KCNC4: variants seen among roughly 807,000 people sequenced by gnomAD.
KCNC4 encodes potassium voltage-gated channel subfamily C member 4.
A neutral mutation model predicts 42.8 loss-of-function variants in KCNC4; 23 were observed. The observed-to-expected ratio is 0.54, with a 90% CI of 0.39 to 0.76. The LOEUF is 0.76. Ranked by LOEUF, KCNC4 falls within the 30% of genes least tolerant of loss-of-function variation. The pLI is 0.00. For missense variants in KCNC4, 751 were observed against 898.2 expected, an observed-to-expected ratio of 0.84 and a Z score of 2.10; for synonymous variants, 422 against 393.5, an observed-to-expected ratio of 1.07 and a Z score of -0.86.
In KCNC4 at chr1:110,210,870, C is replaced by T. The variant is rs933441661; in HGVS notation, c.-630C>T. Among the ~76,000 whole-genome samples, 2 of 152,188 alleles carry T rather than the reference C, an allele frequency of 1.3e-5. No individual in the cohort carries two copies. Among genetic ancestry groups the T allele is most frequent in the Non-Finnish European group, 2.9e-5 (2 of 68,028 alleles). On this transcript the variant is annotated 5_prime_UTR_variant, in exon 1 of 4. Transcript: ENST00000438661. ...CTCTGCCCCGCCTGCCTTCCTCGCC[C>T]GGCGCTGGATTTATGAATGGGGGGA... is the stretch of plus-strand genomic sequence containing the variant.
Position 110,273,707 on chromosome 1 carries a change from G to C in KCNC4, n.31-8827G>C, listed in dbSNP as rs1659672686. On this transcript the variant is annotated intron_variant and non_coding_transcript_variant, in intron 1 of 2. Coordinates refer to the KCNC4 transcript ENST00000412512. ...ACCACTCAAATTCATTCTGGGGGAA[G>C]AGCTCAAAGCACATGCCCACTGGAT... Among the ~76,000 whole-genome samples, 3 of 152,254 alleles carry C rather than the reference G, an allele frequency of 2.0e-5. No homozygotes were observed. The South Asian group carries it at 6.2e-4, about 32-fold the overall frequency.
In KCNC4 at chr1:110,211,641, GAGACCTAC is replaced by G; in HGVS notation, c.143_150del (p.Glu48AlafsTer33). 1 of 1,613,818 alleles carries G rather than the reference GAGACCTAC, an allele frequency of 6.2e-7. No homozygotes were observed. The highest frequency in any genetic ancestry group is 1.3e-5 in the African/African-American group (1 of 75,060). ...CATCAACGTGGGCGGCACGCGACAT[GAGACCTAC>G]CGCAGCACCCTGCGCACCCTACCGG... is the stretch of plus-strand genomic sequence containing the variant. On this transcript the variant is annotated frameshift_variant, in exon 1 of 4. Coordinates refer to ENST00000438661, the MANE Select transcript of KCNC4 (RefSeq NM_001039574.3). LOFTEE classifies it high-confidence loss of function. This position sits in a 1 kb window ranked among gnomAD's most constrained non-coding sequence, Gnocchi z 6.5.
At chr1:110,232,782 T>C in intron 3 of KCNC4, 129 bp from the exon 4 acceptor site, 1 of 1,540,540 alleles carries the variant, frequency 6.5e-7, no homozygotes, top group Non-Finnish European at 8.7e-7. Context: ...GCAGCTGGCT[T>C]CCTTCTAACG....
exon 4 of KCNC4, chr1:110,240,630 CCAGGGGCCAGCCT>C (rs1205688309): frequency 1.0e-4 from 16 of 152,396 alleles, no homozygotes; most frequent in African/African-American, 3.6e-4. Flanking sequence ...CTCGAGAAGA[CCAGGGGCCAGCCT>C]CAGAGGCCCG....
At chr1:110,217,169 AACAGTAAT>A (rs1657842944) in intron 1 of KCNC4, among the ~76,000 whole-genome samples, 1 of 152,212 alleles carries the variant, frequency 6.6e-6, no homozygotes, top group Non-Finnish European at 1.5e-5. Context: ...AAGAAATGGC[AACAGTAAT>A]ACAAGACGGA....
chr1:110,225,754 C>T (rs1658353514), intron 2 of KCNC4: 4 of 556,220 alleles, frequency 7.2e-6, no homozygotes, highest in Non-Finnish European at 1.3e-5. Context: ...GAGGAGAGAC[C>T]CTAAGCTGAG....
intron 1 of KCNC4, chr1:110,220,465 G>GCCAC (rs879326905): frequency 4.5e-5 from 5 of 110,242 alleles, no homozygotes; most frequent in Admixed American, 1.7e-4. Context: ...CCGGGGCCAT[G>GCCAC]CCGCCCTCCC....
Position 110,223,566 on chromosome 1 carries a change from C to T in KCNC4, c.1281C>T (p.Phe427=), listed in dbSNP as rs1247333050. 3 of 1,613,922 alleles carry T rather than the reference C, an allele frequency of 1.9e-6. No homozygotes were observed. Among genetic ancestry groups the T allele is most frequent in the South Asian group, 1.1e-5 (1 of 91,094 alleles). Residue 427 remains phenylalanine (F), a synonymous_variant, in exon 2 of 4, where the codon TTC becomes TTT. Transcript: ENST00000438661. The surrounding 1 kb of genome is among the most constrained non-coding windows in gnomAD (Gnocchi z 7.5). ...ACTTCAAGAACATCCCCATTGGCTT[C>T]TGGTGGGCTGTGGTCACCATGACGA... is the stretch of plus-strand genomic sequence containing the variant. ...HTDFKNIPIG[F]WWAVVTMTTL...
At chr1:110,219,655 G>C (rs1165994932) in intron 1 of KCNC4, 1 of 152,188 alleles carries the variant, frequency 6.6e-6, no homozygotes, top group African/African-American at 2.4e-5. Flanking sequence ...AAGCAGGGTG[G>C]TGTTGCTGCA....
At chr1:110,232,525 C>T in intron 3 of KCNC4, 1 of 1,435,604 alleles carries the variant, frequency 7.0e-7, no homozygotes, top group Admixed American at 2.8e-5. Context: ...GCTATGGTCC[C>T]TTTCTCCACT....
At chr1:110,261,471 T>C (rs912219377) in intron 1 of KCNC4, among the ~76,000 whole-genome samples, 7 of 152,186 alleles carry the variant, frequency 4.6e-5, no homozygotes, top group Non-Finnish European at 8.8e-5. Context: ...TCTCAGTTAA[T>C]GGGATTTGCT....
chr1:110,212,185 G>A lies in KCNC4; in HGVS notation c.678+8G>A, dbSNP rs776632025. ...TCCTCCCGGGCCGCTAGGGTGAGTG[G>A]CAGGAGCCCGTGTCTCCCCATCTTG... On this transcript the variant is annotated splice_region_variant and intron_variant, in intron 1 of 3. Coordinates refer to ENST00000438661, the MANE Select transcript of KCNC4 (RefSeq NM_001039574.3). 22 of 1,474,348 alleles carry A rather than the reference G, an allele frequency of 1.5e-5. 1 individual carries two copies. In the South Asian group the frequency reaches 2.8e-4, roughly 19 times the overall value. 91.3% of individuals were successfully genotyped at this position (1,474,348 alleles called of 1,614,324 possible).
At chr1:110,212,402 C>T in intron 1 of KCNC4, among the ~76,000 whole-genome samples, 1 of 152,220 alleles carries the variant, frequency 6.6e-6, no homozygotes, top group Non-Finnish European at 1.5e-5. Context: ...TGACTTACTA[C>T]TTGGACCCAG....
At chr1:110,247,973 C>A (rs1045277716) in exon 4 of KCNC4, 2 of 152,230 alleles carry the variant, frequency 1.3e-5, no homozygotes, top group African/African-American at 4.8e-5. Flanking sequence ...TCCACAGGCC[C>A]TTTCAAAGGC....
chr1:110,261,346 T>G (rs1344845854), intron 1 of KCNC4, among the ~76,000 whole-genome samples: 1 of 152,196 alleles, frequency 6.6e-6, no homozygotes, highest in Non-Finnish European at 1.5e-5. Context: ...CAGCAGGCAT[T>G]ATTGACAGAT....
chr1:110,211,618 T>C lies in KCNC4; in HGVS notation c.119T>C (p.Ile40Thr), dbSNP rs1657456006. The change falls in exon 1 of 4, where the codon ATC becomes ACC. Residue 40 changes from isoleucine to threonine, a missense_variant. Physicochemically the swap from Ile to Thr is moderately conservative, Grantham distance 89 (BLOSUM62 -1). Coordinates refer to ENST00000438661, the MANE Select transcript of KCNC4 (RefSeq NM_001039574.3). The surrounding 1 kb of genome is among the most constrained non-coding windows in gnomAD (Gnocchi z 6.5). ...AKGEASEKII[I>T]NVGGTRHETY... Reference sequence around the variant, plus strand: ...GGCGAGGCGTCGGAGAAGATCATCATCAACGTGGGCGGCACGCGACATGAG... The same window carrying C: ...GGCGAGGCGTCGGAGAAGATCATCACCAACGTGGGCGGCACGCGACATGAG... 6.2e-7 allele frequency: 1 copy of C among 1,614,008 alleles called. No individual in the cohort carries two copies. Among genetic ancestry groups the C allele is most frequent in the Non-Finnish European group, 8.5e-7 (1 of 1,179,960 alleles).
chr1:110,275,889 T>G (rs1163799780), intron 1 of KCNC4, among the ~76,000 whole-genome samples: 5 of 130,078 alleles, frequency 3.8e-5, no homozygotes, highest in Non-Finnish European at 7.7e-5. Context: ...ACCCGGGAGG[T>G]GGAGGTTGCA....
chr1:110,268,828 C>A (rs1272398225), intron 1 of KCNC4, among the ~76,000 whole-genome samples: 1 of 150,772 alleles, frequency 6.6e-6, no homozygotes, highest in Non-Finnish European at 1.5e-5. Context: ...CCCGAGTTCA[C>A]TCCATTCTCC....
Position 110,233,084 on chromosome 1 carries a change from T to C in KCNC4, c.*112T>C. The C allele has an allele frequency of 7.3e-7, 1 of 1,370,216 alleles. No individual in the cohort carries two copies. Among genetic ancestry groups the C allele is most frequent in the Admixed American group, 2.0e-5 (1 of 49,954 alleles). The allele number at this position is 1,370,216 out of a possible 1,614,324, so 84.9% of individuals were successfully genotyped here. On this transcript the variant is annotated 3_prime_UTR_variant, in exon 4 of 4. Transcript: ENST00000438661. The stretch of plus-strand genomic sequence containing the variant: ...CTGGGAAAGACTCAGATATCCTTGT[T>C]TGCACAGGACTGGTGGAAAATCTCC...
Sources: gnomAD v4.1 joint callset for allele counts (sites outside exome capture counted in the v4.1 genomes callset) on GRCh38, gnomAD v4.1.1 for gene constraint, Gnocchi (gnomAD v3.1) non-coding constraint, MANE v1.5 for transcripts, NCBI Gene and HGNC (gene_info 2026-07-23, HGNC 2026-07-21) for gene names.